OCA2: variants seen among roughly 807,000 people sequenced by gnomAD.
OCA2 encodes OCA2 melanosomal transmembrane protein, also known as P protein.
Under a neutral mutation model 100.2 loss-of-function variants are expected in OCA2, and 77 were observed. The observed-to-expected ratio is 0.77, with a 90% CI of 0.64 to 0.93. OCA2 has a LOEUF of 0.93. OCA2 is among the 40% of genes least tolerant of loss of function. The pLI is 0.00. For missense variants in OCA2, 1,062 were observed against 1,089.1 expected, an observed-to-expected ratio of 0.98 and a Z score of 0.35; for synonymous variants, 432 against 439.2, an observed-to-expected ratio of 0.98 and a Z score of 0.21.
intron 9 of OCA2, among the ~76,000 whole-genome samples, chr15:27,999,683 T>C (rs2041866850): frequency 6.6e-6 from 1 of 152,210 alleles, no homozygotes; most frequent in African/African-American, 2.4e-5. Flanking sequence ...TTAAACTCTA[T>C]TTGTTTACAG....
chr15:28,044,783 T>A (rs1432762113), intron 2 of OCA2, among the ~76,000 whole-genome samples: 1 of 152,226 alleles, frequency 6.6e-6, no homozygotes, highest in Non-Finnish European at 1.5e-5. Context: ...CTAGTAATAT[T>A]CTTTGCTCTG....
chr15:27,822,832 G>T (rs1198595010), intron 23 of OCA2, among the ~76,000 whole-genome samples: 2 of 152,052 alleles, frequency 1.3e-5, no homozygotes, highest in Non-Finnish European at 2.9e-5. Context: ...TCTCCCACTT[G>T]GTAAATTGTT....
intron 1 of OCA2, among the ~76,000 whole-genome samples, chr15:28,097,631 A>G (rs1025793166): frequency 1.3e-5 from 2 of 151,800 alleles, no homozygotes; most frequent in Non-Finnish European, 2.9e-5. Context: ...TGGCCGCCCA[A>G]CTCTCTTCTG....
chr15:27,845,866 C>T (rs2035514657), intron 22 of OCA2, among the ~76,000 whole-genome samples: 2 of 152,184 alleles, frequency 1.3e-5, no homozygotes, highest in South Asian at 4.1e-4. Context: ...TGCAACACTG[C>T]CCTGGAGCTG....
At chr15:27,882,898 T>G (rs1171914507) in intron 19 of OCA2, among the ~76,000 whole-genome samples, 3 of 152,190 alleles carry the variant, frequency 2.0e-5, no homozygotes, top group Non-Finnish European at 1.5e-5. Flanking sequence ...CATGCCTGTC[T>G]AGCACATACA....
At chr15:27,922,081 C>T (rs766355376) in intron 19 of OCA2, among the ~76,000 whole-genome samples, 4 of 152,172 alleles carry the variant, frequency 2.6e-5, no homozygotes, top group Non-Finnish European at 5.9e-5. Context: ...AAGTTTACAT[C>T]GTCTGTTTAC....
intron 1 of OCA2, among the ~76,000 whole-genome samples, chr15:28,096,244 C>T (rs1192049826): frequency 6.7e-6 from 1 of 148,410 alleles, no homozygotes; most frequent in African/African-American, 2.5e-5. Flanking sequence ...TCTCCTGGGG[C>T]GTGGTCGTGT....
chr15:27,932,014 G>C (rs1010397123), intron 18 of OCA2, among the ~76,000 whole-genome samples: 3 of 152,192 alleles, frequency 2.0e-5, no homozygotes, highest in Non-Finnish European at 4.4e-5. Flanking sequence ...TGTAAGCAAG[G>C]CACCACTTTG....
intron 23 of OCA2, among the ~76,000 whole-genome samples, chr15:27,768,904 A>G (rs1644549598): frequency 6.6e-6 from 1 of 152,224 alleles, no homozygotes; most frequent in Admixed American, 6.5e-5. Context: ...CGTGGGATGC[A>G]AGCAGCTTGA....
At chr15:27,932,485 A>G (rs767693) in intron 18 of OCA2, among the ~76,000 whole-genome samples, 91,059 of 149,432 alleles carry the variant, frequency 0.61, 28,396 homozygotes, top group East Asian at 0.96. Flanking sequence ...GGGCAGAGCT[A>G]GGGGGCGGTG....
chr15:27,998,435 GAC>G (rs1566778121), intron 9 of OCA2, among the ~76,000 whole-genome samples: 1 of 131,548 alleles, frequency 7.6e-6, no homozygotes, highest in African/African-American at 2.5e-5. Context: ...GCAGCCAAAA[GAC>G]ACATGAAAAA....
chr15:27,776,224 T>C (rs1354823234), intron 23 of OCA2, among the ~76,000 whole-genome samples: 1 of 152,208 alleles, frequency 6.6e-6, no homozygotes, highest in Non-Finnish European at 1.5e-5. Context: ...CACATGCAGA[T>C]ATATACCCTT....
chr15:27,758,967 T>C (rs1414606001), intron 23 of OCA2, among the ~76,000 whole-genome samples: 1 of 151,684 alleles, frequency 6.6e-6, no homozygotes, highest in African/African-American at 2.4e-5. Flanking sequence ...GCTGGGAAAA[T>C]CCTAAAAAGG....
At chr15:27,851,350 C>A in intron 22 of OCA2, 32 bp downstream of exon 22, 4 of 1,561,180 alleles carry the variant, frequency 2.6e-6, no homozygotes, top group Non-Finnish European at 3.5e-6. Context: ...TGGGCGTGCA[C>A]CCCCACCCCC....
chr15:28,003,055 A>AGCTGTGG (rs1377640341), intron 9 of OCA2, among the ~76,000 whole-genome samples: 5 of 152,358 alleles, frequency 3.3e-5, no homozygotes, highest in Admixed American at 2.0e-4. Flanking sequence ...GATGATGCCC[A>AGCTGTGG]GCTGTGGGCT....
At chr15:27,992,105 CT>C (rs66972965) in intron 9 of OCA2, among the ~76,000 whole-genome samples, 85,486 of 144,116 alleles carry the variant, frequency 0.59, 28,545 homozygotes, top group Non-Finnish European at 0.78. Context: ...GTTTAGGACG[CT>C]TTTTTTTTTT....
At chr15:27,979,936 G>C (rs537902014) in intron 14 of OCA2, among the ~76,000 whole-genome samples, 9 of 144,578 alleles carry the variant, frequency 6.2e-5, no homozygotes, top group Admixed American at 1.4e-4. Context: ...GGATGGTCTC[G>C]ATCTCCACAC....
intron 23 of OCA2, among the ~76,000 whole-genome samples, chr15:27,799,751 A>AG (rs2033512325): frequency 6.6e-6 from 1 of 151,272 alleles, no homozygotes. Context: ...TCTAAAAAAA[A>AG]AAAAAAAAAC....
intron 23 of OCA2, among the ~76,000 whole-genome samples, chr15:27,843,118 C>CATG (rs2035403100): frequency 6.6e-6 from 1 of 152,128 alleles, no homozygotes; most frequent in Admixed American, 6.5e-5. Context: ...TGCAAAAAGC[C>CATG]ATGCTTTTTG....
Sources: gnomAD v4.1 joint callset for allele counts (sites outside exome capture counted in the v4.1 genomes callset) on GRCh38, gnomAD v4.1.1 for gene constraint, MANE v1.5 for transcripts, NCBI Gene and HGNC (gene_info 2026-07-23, HGNC 2026-07-21) for gene names.